Variants in CLCN5 observed in about 807,000 individuals in gnomAD.
CLCN5 encodes the protein Cl-/H+ antiporter 5.
CLCN5 carries 17 observed loss-of-function variants against 54.0 expected under a neutral mutation model. The ratio of observed to expected loss-of-function variants is 0.31; its 90% CI spans 0.22 to 0.47. The LOEUF (loss-of-function observed/expected upper bound fraction) is 0.47, where lower values mean the gene tolerates loss of function less well. CLCN5 is among the 20% of genes least tolerant of loss of function. CLCN5 has a pLI of 1.00. For synonymous variants in CLCN5, 222 were observed against 233.0 expected, an observed-to-expected ratio of 0.95 and a Z score of 0.43; for missense variants, 448 against 646.7, an observed-to-expected ratio of 0.69 and a Z score of 3.33.
At chrX:50,017,048 C>T (rs1557183656) in intron 3 of CLCN5, among the ~76,000 whole-genome samples, 1 of 111,690 alleles carries the variant, frequency 9.0e-6, no homozygotes. Context: ...CAGCTTGGTT[C>T]CTTCTACATT....
chrX:50,090,584 G>A (rs1934058729), intron 13 of CLCN5, 70 bp downstream of exon 13: 1 of 1,156,876 alleles, frequency 8.6e-7, no homozygotes, highest in African/African-American at 1.8e-5. Flanking sequence ...AATGGGGGAA[G>A]ACAGGGAAGG....
chrX:49,987,609 A>G (rs1929046794), intron 3 of CLCN5, among the ~76,000 whole-genome samples: 1 of 112,189 alleles, frequency 8.9e-6, no homozygotes, highest in Non-Finnish European at 1.9e-5. Context: ...CTTATGTGCC[A>G]CAAACTGAAT....
chrX:49,989,992 G>C (rs782271293), intron 3 of CLCN5, among the ~76,000 whole-genome samples: 1 of 111,621 alleles, frequency 9.0e-6, no homozygotes, highest in Non-Finnish European at 1.9e-5. Flanking sequence ...TATGTACTTA[G>C]TTTCAGGGTC....
chrX:50,015,237 AAGAG>A (rs781922852), intron 3 of CLCN5, among the ~76,000 whole-genome samples: 4 of 110,505 alleles, frequency 3.6e-5, no homozygotes, highest in Non-Finnish European at 7.6e-5. Context: ...ATGGGGGCCA[AAGAG>A]AGAGTCTTCC....
intron 3 of CLCN5, among the ~76,000 whole-genome samples, chrX:49,927,585 A>G (rs1925414302): frequency 8.9e-6 from 1 of 112,166 alleles, no homozygotes; most frequent in African/African-American, 3.2e-5. Flanking sequence ...TGGGCAAGTA[A>G]CTTAATCTCT....
At chrX:49,938,089 T>C (rs939666874) in intron 3 of CLCN5, among the ~76,000 whole-genome samples, 1 of 110,981 alleles carries the variant, frequency 9.0e-6, no homozygotes, top group African/African-American at 3.3e-5. Context: ...GAGACAAGAG[T>C]CACTATCCTG....
At chrX:50,027,685 A>G (rs1490378044) in intron 3 of CLCN5, among the ~76,000 whole-genome samples, 1 of 109,543 alleles carries the variant, frequency 9.1e-6, no homozygotes, top group Admixed American at 9.7e-5. Context: ...TAATAATTCC[A>G]ACATTCCTTC....
At chrX:50,059,238 A>G (rs1932813092) in intron 4 of CLCN5, among the ~76,000 whole-genome samples, 1 of 112,073 alleles carries the variant, frequency 8.9e-6, no homozygotes, top group Admixed American at 9.5e-5. Context: ...AATGGCTGTC[A>G]TCATCATCAT....
chrX:49,942,213 C>T (rs972014696), intron 3 of CLCN5, among the ~76,000 whole-genome samples: 1 of 84,520 alleles, frequency 1.2e-5, no homozygotes, highest in Non-Finnish European at 2.3e-5. Flanking sequence ...ATTAAAATGT[C>T]CTTTCAAATT....
At chrX:50,032,947 A>G (rs1192029711) in intron 3 of CLCN5, among the ~76,000 whole-genome samples, 1 of 111,482 alleles carries the variant, frequency 9.0e-6, no homozygotes, top group East Asian at 2.8e-4. Context: ...ATGGCTAGCC[A>G]GTTTTCCCAG....
chrX:50,059,732 C>T (rs1932820361), intron 4 of CLCN5, among the ~76,000 whole-genome samples: 1 of 108,631 alleles, frequency 9.2e-6, no homozygotes, highest in Non-Finnish European at 1.9e-5. Flanking sequence ...AGCCACCAGC[C>T]CTCTAGTTCT....
At chrX:49,943,993 G>T (rs1320490847) in intron 3 of CLCN5, among the ~76,000 whole-genome samples, 1 of 111,605 alleles carries the variant, frequency 9.0e-6, no homozygotes, top group Non-Finnish European at 1.9e-5. Context: ...TTAACCTTGG[G>T]CAGTATGGCC....
intron 3 of CLCN5, among the ~76,000 whole-genome samples, chrX:50,005,480 C>A (rs782268786): frequency 9.0e-6 from 1 of 111,523 alleles, no homozygotes; most frequent in African/African-American, 3.3e-5. Flanking sequence ...ATTTGATCAC[C>A]CAGTGTTGCC....
intron 4 of CLCN5, among the ~76,000 whole-genome samples, chrX:50,052,937 T>C (rs1159465708): frequency 8.9e-6 from 1 of 112,005 alleles, no homozygotes; most frequent in Non-Finnish European, 1.9e-5. Flanking sequence ...TGTACCTTCA[T>C]AGAGGTGGAG....
Position 50,063,047 on chromosome X carries a change from G to C in CLCN5, c.164-6832G>C, listed in dbSNP as rs2147522060. 1.8e-5 allele frequency among the ~76,000 whole-genome samples: 2 copies of C among 110,099 alleles called. 1 individual carries two copies. Among genetic ancestry groups the C allele is most frequent in the East Asian group, 5.7e-4 (2 of 3,523 alleles). Reference sequence around the variant, plus strand: ...AATTTATAGCACTAAATGCGCACAAGAGAAAGCAGGAAAGATCTAAAATTG... The same window carrying C: ...AATTTATAGCACTAAATGCGCACAACAGAAAGCAGGAAAGATCTAAAATTG... On this transcript the variant is annotated intron_variant, in intron 4 of 14. Transcript: ENST00000376091.
At chrX:49,928,879 C>T (rs1399837275) in intron 3 of CLCN5, among the ~76,000 whole-genome samples, 2 of 111,444 alleles carry the variant, frequency 1.8e-5, no homozygotes, top group South Asian at 3.8e-4. Flanking sequence ...GAGCCGAGAT[C>T]GTGCCACTGC....
chrX:50,079,321 C>T (rs1557192692), intron 7 of CLCN5, among the ~76,000 whole-genome samples: 2 of 112,172 alleles, frequency 1.8e-5, no homozygotes, highest in Non-Finnish European at 3.8e-5. Context: ...CCTGAGCATT[C>T]TGGTTCTCTT....
At chrX:50,008,161 C>T (rs782473764) in intron 3 of CLCN5, among the ~76,000 whole-genome samples, 22 of 112,337 alleles carry the variant, frequency 2.0e-4, no homozygotes, top group African/African-American at 7.1e-4. Context: ...GTTGCATAGT[C>T]ACACAAAGCA....
At chrX:50,089,807 C>G (rs1033632629) in intron 12 of CLCN5, among the ~76,000 whole-genome samples, 1 of 111,856 alleles carries the variant, frequency 8.9e-6, no homozygotes, top group Non-Finnish European at 1.9e-5. Flanking sequence ...ATCACTTAAG[C>G]CTGGAAGATG....
Sources: gnomAD v4.1 joint callset for allele counts (sites outside exome capture counted in the v4.1 genomes callset) on GRCh38, gnomAD v4.1.1 for gene constraint, MANE v1.5 for transcripts, NCBI Gene and HGNC (gene_info 2026-07-23, HGNC 2026-07-21) for gene names.